The following SV2B variants were observed in gnomAD, a reference collection of about 807,000 sequenced individuals.
The protein encoded by SV2B is synaptic vesicle glycoprotein 2B, also known as solute carrier family 22 member B2.
In SV2B, 41 loss-of-function variants were observed where a neutral mutation model predicts 73.9. The observed-to-expected ratio is 0.56, with a 90% CI of 0.43 to 0.72. The LOEUF is 0.72. Among genes scored for constraint, SV2B ranks in the 30% least tolerant of loss-of-function variants. SV2B has a pLI of 0.00. For synonymous variants in SV2B, 314 were observed against 314.2 expected (o/e 1.00, Z 0.01); for missense variants, 764 against 857.8 (o/e 0.89, Z 1.37).
chr15:91,260,608 T>C (rs1286469736), intron 6 of SV2B, among the ~76,000 whole-genome samples, 199 bp downstream of exon 6: 1 of 152,212 alleles, frequency 6.6e-6, no homozygotes, highest in Non-Finnish European at 1.5e-5. Flanking sequence ...GCTAGTTGTT[T>C]TTAAAAATGG....
In SV2B at chr15:91,193,233, C is replaced by T. The variant is rs79401559; in HGVS notation, c.-391-32640C>T. ...CAAGTGCCGCAGGAGGAGAAGGAGA[C>T]GGCCTGCTTAGGGGATGTTTACCAC... On this transcript the variant is annotated intron_variant, in intron 1 of 12. Transcript: ENST00000394232. Among the ~76,000 whole-genome samples, 60 of 152,238 alleles carry T rather than the reference C, an allele frequency of 3.9e-4. No homozygotes were observed. In the East Asian group the frequency reaches 7.3e-3, roughly 19 times the overall value.
intron 1 of SV2B, among the ~76,000 whole-genome samples, chr15:91,125,930 G>A (rs1161982743): frequency 6.6e-6 from 1 of 152,080 alleles, no homozygotes; most frequent in African/African-American, 2.4e-5. Flanking sequence ...CAATAATGGT[G>A]GTGGTGATGA....
intron 1 of SV2B, among the ~76,000 whole-genome samples, chr15:91,207,318 T>C (rs986038108): frequency 3.9e-5 from 6 of 151,948 alleles, no homozygotes; most frequent in Non-Finnish European, 5.9e-5. Flanking sequence ...TCACTGTGCC[T>C]GGTCTTAAAA....
intron 1 of SV2B, among the ~76,000 whole-genome samples, chr15:91,201,675 A>G (rs2045464947): frequency 1.3e-5 from 2 of 152,204 alleles, no homozygotes; most frequent in South Asian, 4.1e-4. Flanking sequence ...CCAACTGCTC[A>G]GGCCCCAAAT....
intron 9 of SV2B, among the ~76,000 whole-genome samples, chr15:91,278,658 G>C (rs1233820344): frequency 1.3e-5 from 1 of 78,760 alleles, no homozygotes; most frequent in Non-Finnish European, 2.4e-5. Flanking sequence ...CGGCCTGGGC[G>C]ACAGAGCGAG....
rs1043462092 is a variant in SV2B at position 91,123,494 on chromosome 15, T to C, written c.-392+23131T>C. Among the ~76,000 whole-genome samples the C allele has an allele frequency of 2.0e-5, 3 of 152,146 alleles. No individual in the cohort carries two copies. Among genetic ancestry groups the C allele is most frequent in the African/African-American group, 7.2e-5 (3 of 41,430 alleles). ...AGGAAGATACAGTGTAGGTAGGCCATAAAACCACAGAGCCTGCACTTGGGT... is the reference window on the plus strand; with the variant it reads ...AGGAAGATACAGTGTAGGTAGGCCACAAAACCACAGAGCCTGCACTTGGGT... On this transcript the variant is annotated intron_variant, in intron 1 of 12. Transcript: ENST00000394232. The surrounding 1 kb of genome is among the most constrained non-coding windows in gnomAD (Gnocchi z 4.7).
intron 1 of SV2B, among the ~76,000 whole-genome samples, chr15:91,218,477 T>A (rs981538398): frequency 6.6e-6 from 1 of 152,094 alleles, no homozygotes; most frequent in South Asian, 2.1e-4. Context: ...AGGTGCCAAA[T>A]TTTGGGGGAG....
chr15:91,160,600 T>C (rs1160675473), intron 1 of SV2B, among the ~76,000 whole-genome samples: 1 of 152,142 alleles, frequency 6.6e-6, no homozygotes, highest in Non-Finnish European at 1.5e-5. Flanking sequence ...AGAATGAGAC[T>C]CTGTCTCATA....
intron 2 of SV2B, among the ~76,000 whole-genome samples, chr15:91,235,450 G>GT (rs11455891): frequency 0.38 from 57,767 of 151,756 alleles, 15,322 homozygotes; most frequent in African/African-American, 0.76. Context: ...ATAGAAATAA[G>GT]TTTTCTACAG....
At chr15:91,168,991 C>T (rs550633260) in intron 1 of SV2B, among the ~76,000 whole-genome samples, 98 of 152,238 alleles carry the variant, frequency 6.4e-4, no homozygotes, top group African/African-American at 2.2e-3. Flanking sequence ...AGTGAATTCC[C>T]CTAGTTAGTC....
chr15:91,257,526 C>T (rs2047740632), intron 4 of SV2B, among the ~76,000 whole-genome samples: 1 of 152,212 alleles, frequency 6.6e-6, no homozygotes, highest in Non-Finnish European at 1.5e-5. Flanking sequence ...GTTATCTTCC[C>T]ATTTCAATGA....
intron 1 of SV2B, among the ~76,000 whole-genome samples, chr15:91,208,488 T>C (rs1288180222): frequency 2.0e-5 from 3 of 152,230 alleles, no homozygotes; most frequent in East Asian, 3.8e-4. Flanking sequence ...GAAAACATCA[T>C]GTATTTGGTT....
chr15:91,166,869 A>T (rs371460779), intron 1 of SV2B, among the ~76,000 whole-genome samples: 16 of 146,720 alleles, frequency 1.1e-4, no homozygotes, highest in African/African-American at 3.8e-4. Context: ...GCTGGAGTGC[A>T]GTGGTGCGAT....
rs1005216083 is a variant in SV2B, at chr15:91,252,835, C to T, written c.784+315C>T. 3.3e-5 allele frequency among the ~76,000 whole-genome samples: 5 copies of T among 151,972 alleles called. No homozygotes were observed. The highest frequency in any genetic ancestry group is 5.9e-5 in the Non-Finnish European group (4 of 68,000). ...AATTTCAACCTTCATCTCCTCCAGC[C>T]CTCCTCCCCCTGAGCAACTTGGGCT... On this transcript the variant is annotated intron_variant, in intron 4 of 12. Coordinates refer to ENST00000394232, the MANE Select transcript of SV2B (RefSeq NM_001323032.3). This position sits in a 1 kb window ranked among gnomAD's most constrained non-coding sequence, Gnocchi z 4.6.
chr15:91,239,310 T>A lies in SV2B; in HGVS notation c.452-12509T>A, dbSNP rs1038260705. 3.3e-5 allele frequency among the ~76,000 whole-genome samples: 5 copies of A among 151,950 alleles called. No individual in the cohort carries two copies. Among genetic ancestry groups the A allele is most frequent in the Admixed American group, 6.6e-5 (1 of 15,264 alleles). On this transcript the variant is annotated intron_variant, in intron 2 of 12. Coordinates refer to ENST00000394232, the MANE Select transcript of SV2B (RefSeq NM_001323032.3). The surrounding 1 kb of genome is among the most constrained non-coding windows in gnomAD (Gnocchi z 5.1). Reference sequence around the variant, plus strand: ...TGTGCAGAAAATAGTCCAAAGAAGTTTTGTCCTTGCCTTGTCCTCTCTGCC... The same window carrying A: ...TGTGCAGAAAATAGTCCAAAGAAGTATTGTCCTTGCCTTGTCCTCTCTGCC...
intron 1 of SV2B, among the ~76,000 whole-genome samples, chr15:91,221,693 G>GTGCACACA (rs1555486428): frequency 2.9e-5 from 4 of 140,068 alleles, no homozygotes; most frequent in African/African-American, 1.1e-4. Context: ...AAGCATGTGC[G>GTGCACACA]CACACACACA....
chr15:91,163,060 A>G (rs561087171), intron 1 of SV2B, among the ~76,000 whole-genome samples: 10 of 152,294 alleles, frequency 6.6e-5, no homozygotes, highest in African/African-American at 1.9e-4. Context: ...GATGGTTTCC[A>G]GCTTCATCCG....
At chr15:91,187,842 A>G (rs1313474577) in intron 1 of SV2B, among the ~76,000 whole-genome samples, 1 of 152,188 alleles carries the variant, frequency 6.6e-6, no homozygotes. Flanking sequence ...TCTTTTAAGC[A>G]TGGTGTTTTG....
intron 9 of SV2B, among the ~76,000 whole-genome samples, chr15:91,275,519 A>G (rs1291549212): frequency 6.6e-6 from 1 of 152,172 alleles, no homozygotes; most frequent in East Asian, 1.9e-4. Context: ...ATCTTTTAGA[A>G]TGATTAAAAA....
Sources: allele counts gnomAD v4.1 joint callset (sites outside exome capture counted in the v4.1 genomes callset), GRCh38; gene constraint gnomAD v4.1.1; non-coding constraint Gnocchi (gnomAD v3.1); transcripts MANE v1.5; gene names NCBI Gene and HGNC (gene_info 2026-07-23, HGNC 2026-07-21).